Variants in EYS observed in about 807,000 individuals in gnomAD.
EYS encodes protein eyes shut homolog.
In EYS, 250 loss-of-function variants were observed where a neutral mutation model predicts 282.1. That is an observed-to-expected ratio of 0.89 (90% confidence interval 0.80 to 0.98). The LOEUF is 0.98. Among genes scored for constraint, EYS ranks in the 50% least tolerant of loss-of-function variants. The pLI, the probability that EYS is intolerant of heterozygous loss-of-function variation, is 0.00. For missense variants in EYS, 4,016 were observed against 3,709.0 expected, an observed-to-expected ratio of 1.08 and a Z score of -2.15; for synonymous variants, 1,355 against 1,282.9, an observed-to-expected ratio of 1.06 and a Z score of -1.20.
intron 39 of EYS, chr6:63,779,117 T>G (rs982150940): frequency 1.3e-5 from 2 of 151,616 alleles, no homozygotes; most frequent in African/African-American, 4.8e-5. Context: ...TGTTGTCACA[T>G]TTTTCTCTTT....
intron 12 of EYS, among the ~76,000 whole-genome samples, chr6:65,239,519 A>C (rs1369117434): frequency 6.6e-6 from 1 of 152,062 alleles, no homozygotes. Context: ...AGGATTTTAA[A>C]AATTCTTTTA....
chr6:64,149,895 C>T (rs1387088010), intron 31 of EYS, among the ~76,000 whole-genome samples: 2 of 152,132 alleles, frequency 1.3e-5, no homozygotes, highest in Non-Finnish European at 2.9e-5. Context: ...ATAATTAATG[C>T]CCTGCCTTCA....
chr6:63,954,124 C>A (rs1765712820), intron 35 of EYS, among the ~76,000 whole-genome samples: 1 of 152,192 alleles, frequency 6.6e-6, no homozygotes, highest in Admixed American at 6.5e-5. Flanking sequence ...CCACATTATT[C>A]TGGATACGAC....
intron 12 of EYS, among the ~76,000 whole-genome samples, chr6:65,271,525 A>G (rs1349796553): frequency 6.6e-6 from 1 of 152,060 alleles, no homozygotes; most frequent in African/African-American, 2.4e-5. Flanking sequence ...ATACCCAGAA[A>G]TAATGTTTAA....
At chr6:64,085,102 C>T (rs897617285) in intron 31 of EYS, among the ~76,000 whole-genome samples, 6 of 151,960 alleles carry the variant, frequency 3.9e-5, no homozygotes, top group East Asian at 1.9e-4. Flanking sequence ...CCCCGCCTCC[C>T]GAGTAGCTGG....
intron 35 of EYS, among the ~76,000 whole-genome samples, chr6:63,867,777 G>A (rs1307844185): frequency 6.6e-6 from 1 of 152,150 alleles, no homozygotes; most frequent in Non-Finnish European, 1.5e-5. Context: ...GAATGCGTTT[G>A]CTAAATGCAG....
chr6:64,808,892 C>T (rs1041946296), intron 22 of EYS, among the ~76,000 whole-genome samples: 12 of 152,074 alleles, frequency 7.9e-5, no homozygotes, highest in Non-Finnish European at 1.8e-4. Context: ...TGACTCTGAC[C>T]TGGAGAGGTC....
intron 8 of EYS, among the ~76,000 whole-genome samples, chr6:65,376,433 T>C (rs1765367286): frequency 6.6e-6 from 1 of 152,012 alleles, no homozygotes. Flanking sequence ...TACTAAAATA[T>C]AAAGACCAAC....
In EYS at chr6:64,988,944, T is replaced by C. The variant is rs554278210; in HGVS notation, c.2259+8638A>G. 1.1e-4 allele frequency among the ~76,000 whole-genome samples: 17 copies of C among 151,594 alleles called. No homozygotes were observed. In the South Asian group the frequency reaches 3.1e-3, roughly 28 times the overall value. ...AATACCCTGGCTTGGCAAATCAGTGTAAGAGCTTTAGTTCAACTCAGAGAA... is the reference window on the plus strand; with the variant it reads ...AATACCCTGGCTTGGCAAATCAGTGCAAGAGCTTTAGTTCAACTCAGAGAA... On this transcript the variant is annotated intron_variant, in intron 14 of 42. Transcript: ENST00000503581.
chr6:63,815,812 A>G (rs902907709), intron 36 of EYS, among the ~76,000 whole-genome samples: 4 of 152,208 alleles, frequency 2.6e-5, no homozygotes, highest in African/African-American at 9.6e-5. Context: ...ACATGCATAC[A>G]CAAATATACA....
chr6:64,345,916 G>C (rs1771371044), intron 29 of EYS, among the ~76,000 whole-genome samples: 1 of 152,128 alleles, frequency 6.6e-6, no homozygotes, highest in Admixed American at 6.6e-5. Flanking sequence ...CTTCTCAAAA[G>C]AAGACATTTA....
Position 64,593,207 on chromosome 6 carries a change from T to C in EYS, c.3787A>G (p.Ile1263Val), listed in dbSNP as rs17404123. The change falls in exon 25 of 43, where the codon ATT (isoleucine) becomes GTT (valine). Residue 1263 changes from isoleucine (I) to valine (V), a missense_variant. Physicochemically the swap from Ile to Val is conservative, Grantham distance 29 (BLOSUM62 3). Transcript: ENST00000503581. ...TDPISTQTYT[I>V]PPSETLVSSF... ...CTGACCAAAGTCTCAGAAGGGGGAA[T>C]TGTATATGTCTGTGTGGAAATGGGA... is the stretch of plus-strand genomic sequence containing the variant. The C allele has an allele frequency of 0.13, 200,211 of 1,549,136 alleles. 13,834 individuals carry two copies. The highest frequency in any genetic ancestry group is 0.15 in the East Asian group (5,990 of 40,696).
At chr6:64,847,106 G>C (rs12055673) in intron 19 of EYS, among the ~76,000 whole-genome samples, 23,165 of 152,050 alleles carry the variant, frequency 0.15, 1,993 homozygotes, top group East Asian at 0.43. Flanking sequence ...CTGGAACATT[G>C]ATTTTCTCCT....
chr6:65,182,829 C>T lies in EYS; in HGVS notation c.2023+113034G>A, dbSNP rs1019129046. On this transcript the variant is annotated intron_variant, in intron 12 of 42. Transcript: ENST00000503581. Reference sequence around the variant, plus strand: ...TTTGAGACAAGGTCTCACTCTATCACCCAGGCTGGAGTGCAGAGGCACAAT... The same window carrying T: ...TTTGAGACAAGGTCTCACTCTATCATCCAGGCTGGAGTGCAGAGGCACAAT... Among the ~76,000 whole-genome samples the T allele has an allele frequency of 3.9e-5, 6 of 152,080 alleles. No individual in the cohort carries two copies. The East Asian group carries it at 1.2e-3, about 30-fold the overall frequency.
intron 12 of EYS, among the ~76,000 whole-genome samples, chr6:65,253,954 AAAT>A (rs776254561): frequency 3.3e-5 from 5 of 151,842 alleles, no homozygotes; most frequent in Non-Finnish European, 7.4e-5. Context: ...ATCTCATTGA[AAAT>A]ATTAAGAGGA....
At chr6:64,811,495 C>T (rs1271283921) in intron 22 of EYS, among the ~76,000 whole-genome samples, 1 of 151,914 alleles carries the variant, frequency 6.6e-6, no homozygotes, top group Non-Finnish European at 1.5e-5. Flanking sequence ...CAGGAGCTTG[C>T]TATGGTTTAG....
chr6:64,566,659 A>T (rs1004913198), intron 26 of EYS, among the ~76,000 whole-genome samples: 6 of 152,176 alleles, frequency 3.9e-5, no homozygotes, highest in Non-Finnish European at 8.8e-5. Context: ...CTAAGGCTTG[A>T]AGTTGGTGAG....
At chr6:65,285,562 T>C (rs1768339605) in intron 12 of EYS, among the ~76,000 whole-genome samples, 1 of 152,006 alleles carries the variant, frequency 6.6e-6, no homozygotes, top group South Asian at 2.1e-4. Context: ...CTTCTATTCA[T>C]AAAAAAGATC....
chr6:64,917,257 A>AC (rs1338602433), intron 15 of EYS, among the ~76,000 whole-genome samples: 2 of 151,930 alleles, frequency 1.3e-5, no homozygotes, highest in Non-Finnish European at 1.5e-5. Context: ...TCAAAAAAAA[A>AC]AAAAACAAAA....
Sources: allele counts gnomAD v4.1 joint callset (sites outside exome capture counted in the v4.1 genomes callset), GRCh38; gene constraint gnomAD v4.1.1; transcripts MANE v1.5; gene names NCBI Gene and HGNC (gene_info 2026-07-23, HGNC 2026-07-21).